Variants in PPP4R3A observed in about 807,000 individuals in gnomAD.
PPP4R3A encodes the protein protein phosphatase 4 regulatory subunit 3A, also known as serine/threonine-protein phosphatase 4 regulatory subunit 3A.
Under a neutral mutation model 91.7 loss-of-function variants are expected in PPP4R3A, and 15 were observed. The ratio of observed to expected loss-of-function variants is 0.16; its 90% CI spans 0.11 to 0.25. PPP4R3A has a LOEUF of 0.25. Among genes scored for constraint, PPP4R3A ranks in the 10% least tolerant of loss-of-function variants. PPP4R3A has a pLI of 1.00. For synonymous variants in PPP4R3A, 377 were observed against 348.7 expected (o/e 1.08, Z -0.91); for missense variants, 623 against 998.4 (o/e 0.62, Z 5.07).
chr14:91,498,401 A>G lies in PPP4R3A; in HGVS notation c.143-7599T>C, dbSNP rs1308374404. On this transcript the variant is annotated intron_variant, in intron 1 of 14. Transcript: ENST00000554943. ...TTAGAAAAGTTATTTTTTCTTAATGATATTTTGTTAACATGCTAAGTTAGA... is the reference window on the plus strand; with the variant it reads ...TTAGAAAAGTTATTTTTTCTTAATGGTATTTTGTTAACATGCTAAGTTAGA... Among the ~76,000 whole-genome samples the G allele has an allele frequency of 2.0e-5, 3 of 152,134 alleles. No individual in the cohort carries two copies. The East Asian group carries it at 5.8e-4, about 29-fold the overall frequency.
At chr14:91,484,311 A>G (rs753408708) in intron 3 of PPP4R3A, among the ~76,000 whole-genome samples, 10 of 152,214 alleles carry the variant, frequency 6.6e-5, no homozygotes, top group East Asian at 1.9e-4. Flanking sequence ...TAAGGACACT[A>G]TATCTTCTAT....
At chr14:91,491,208 C>CA (rs578068881) in intron 1 of PPP4R3A, among the ~76,000 whole-genome samples, 46 of 150,872 alleles carry the variant, frequency 3.0e-4, no homozygotes, top group African/African-American at 1.0e-3. Context: ...CGCCTGGCCT[C>CA]AAAAAATATT....
At chr14:91,468,691 G>GAAAAAAAAAAAAAAAAAAAAAAAAACA (rs1385366300) in intron 10 of PPP4R3A, among the ~76,000 whole-genome samples, 1 of 74,722 alleles carries the variant, frequency 1.3e-5, no homozygotes, top group Non-Finnish European at 2.6e-5. Context: ...AAAAAAAAAG[G>GAAAAAAAAAAAAAAAAAAAAAAAAACA]AAAAAAGAAA....
At chr14:91,491,341 G>A (rs1328911423) in intron 1 of PPP4R3A, among the ~76,000 whole-genome samples, 2 of 151,982 alleles carry the variant, frequency 1.3e-5, no homozygotes, top group Non-Finnish European at 2.9e-5. Flanking sequence ...GGGATTGCAG[G>A]TGCAAGCCAC....
At chr14:91,482,837 A>G (rs983247322) in intron 3 of PPP4R3A, among the ~76,000 whole-genome samples, 9 of 152,210 alleles carry the variant, frequency 5.9e-5, no homozygotes, top group Non-Finnish European at 8.8e-5. Context: ...CACAGGATTT[A>G]AAAAACACTA....
chr14:91,499,926 AAACAC>A (rs899924818), intron 1 of PPP4R3A, among the ~76,000 whole-genome samples: 25 of 152,132 alleles, frequency 1.6e-4, no homozygotes, highest in Non-Finnish European at 2.8e-4. Flanking sequence ...ACCCCCACCA[AAACAC>A]AACACAACAC....
chr14:91,463,866 A>G (rs1224333901), intron 11 of PPP4R3A, among the ~76,000 whole-genome samples: 1 of 152,150 alleles, frequency 6.6e-6, no homozygotes, highest in Non-Finnish European at 1.5e-5. Flanking sequence ...CCCAGGTAGT[A>G]AGCACAGTAC....
At chr14:91,472,954 TA>T in intron 9 of PPP4R3A, 78 bp downstream of exon 9, 1 of 1,356,954 alleles carries the variant, frequency 7.4e-7, no homozygotes, top group Non-Finnish European at 1.0e-6. Flanking sequence ...AACTGCCTCC[TA>T]AAAAGACTGA....
At chr14:91,460,308 T>C (rs1888050196) in intron 14 of PPP4R3A, among the ~76,000 whole-genome samples, 1 of 152,040 alleles carries the variant, frequency 6.6e-6, no homozygotes, top group African/African-American at 2.4e-5. Flanking sequence ...CCACCGCGCC[T>C]GGCTGCTGCT....
chr14:91,477,756 C>T (rs1889297201), intron 4 of PPP4R3A, among the ~76,000 whole-genome samples: 1 of 152,196 alleles, frequency 6.6e-6, no homozygotes, highest in Non-Finnish European at 1.5e-5. Context: ...TAAAGCAATT[C>T]TCCTGTCTCA....
In PPP4R3A at chr14:91,458,306, G is replaced by A. The variant is rs1887895616; in HGVS notation, c.*453C>T. On this transcript the variant is annotated 3_prime_UTR_variant, in exon 15 of 15. Coordinates refer to ENST00000554943, the MANE Select transcript of PPP4R3A (RefSeq NM_001366432.2). ...TGTTGTAGCTTGACTAAAATGTTCA[G>A]AATGTATGATTTTAAAGGCAGGTCT... 5.2e-6 allele frequency: 1 copy of A among 191,528 alleles called. No individual in the cohort carries two copies. The highest frequency in any genetic ancestry group is 2.4e-5 in the African/African-American group (1 of 42,330). The allele number at this position is 191,528 out of a possible 1,614,324, so 11.9% of individuals were successfully genotyped here. A position where few individuals can be genotyped will look rare whatever the true frequency, so the allele number is the denominator to read the frequency against.
chr14:91,458,805 T>C lies in PPP4R3A; in HGVS notation c.2456A>G (p.Lys819Arg). The C allele has an allele frequency of 6.2e-7, 1 of 1,614,106 alleles. No homozygotes were observed. Among genetic ancestry groups the C allele is most frequent in the Non-Finnish European group, 8.5e-7 (1 of 1,179,976 alleles). Reference protein sequence around the residue: ...DDEDDDEDEDKEDTLPLSKKA... With the variant: ...DDEDDDEDEDREDTLPLSKKA... ...CTTTGACAATGGTAACGTATCTTCC[T>C]TATCTTCATCCTCATCATCATCTTC... The change falls in exon 15 of 15, where the codon AAG becomes AGG. Residue 819 changes from lysine to arginine, a missense_variant. By Grantham distance (26) the Lys-to-Arg change is conservative. This residue lies in a region of PPP4R3A where 201 missense variants were observed against 229.9 expected (regional missense o/e 0.87). Transcript: ENST00000554943.
chr14:91,459,380 A>G (rs1457096630), intron 14 of PPP4R3A, among the ~76,000 whole-genome samples: 1 of 152,206 alleles, frequency 6.6e-6, no homozygotes, highest in Non-Finnish European at 1.5e-5. Context: ...TGCTGGGATT[A>G]CAGGCATGAG....
intron 6 of PPP4R3A, 40 bp downstream of exon 6, chr14:91,476,368 T>TA (rs753753627): frequency 4.5e-6 from 6 of 1,344,842 alleles, no homozygotes; most frequent in Non-Finnish European, 1.0e-6. Flanking sequence ...ATTTTGGGAT[T>TA]AAAAAATGGT....
At chr14:91,495,302 A>ATGTGTGTGTGTGTGTGTGTGCGTG (rs1890472304) in intron 1 of PPP4R3A, among the ~76,000 whole-genome samples, 2 of 140,870 alleles carry the variant, frequency 1.4e-5, no homozygotes, top group Non-Finnish European at 3.0e-5. Flanking sequence ...CAGATACATA[A>ATGTGTGTGTGTGTGTGTGTGCGTG]TGTGTGTGTG....
intron 1 of PPP4R3A, among the ~76,000 whole-genome samples, chr14:91,507,413 C>T (rs1891404473): frequency 1.1e-5 from 1 of 95,118 alleles, no homozygotes; most frequent in African/African-American, 3.6e-5. Context: ...ATTATATATA[C>T]TATATAATAT....
At chr14:91,489,243 A>G (rs981089570) in intron 2 of PPP4R3A, among the ~76,000 whole-genome samples, 3 of 152,186 alleles carry the variant, frequency 2.0e-5, no homozygotes, top group Non-Finnish European at 4.4e-5. Flanking sequence ...AAGTTGGCAG[A>G]AAATAACAAT....
At chr14:91,490,665 T>C (rs999711555) in intron 2 of PPP4R3A, 82 bp downstream of exon 2, 60 of 1,122,826 alleles carry the variant, frequency 5.3e-5, no homozygotes, top group Non-Finnish European at 7.4e-5. Flanking sequence ...TTCTAAATTT[T>C]TCACTATAAG....
chr14:91,499,820 CAAAAA>C (rs3993928), intron 1 of PPP4R3A, among the ~76,000 whole-genome samples: 1,374 of 120,422 alleles, frequency 0.011, 29 homozygotes, highest in African/African-American at 0.038. Context: ...GACTCCACCT[CAAAAA>C]AAAAAAAAAA....
Sources: allele counts gnomAD v4.1 joint callset (sites outside exome capture counted in the v4.1 genomes callset), GRCh38; gene constraint gnomAD v4.1.1; regional missense constraint gnomAD v4.1.1; transcripts MANE v1.5; gene names NCBI Gene and HGNC (gene_info 2026-07-23, HGNC 2026-07-21).